The following RAPGEF5 variants were observed in gnomAD, a reference collection of about 807,000 sequenced individuals.
RAPGEF5 encodes the protein M-Ras-regulated GEF.
RAPGEF5 carries 65 observed loss-of-function variants against 125.2 expected under a neutral mutation model. The ratio of observed to expected loss-of-function variants is 0.52; its 90% CI spans 0.43 to 0.64. The LOEUF (loss-of-function observed/expected upper bound fraction) is 0.64. Ranked by LOEUF, RAPGEF5 falls within the 30% of genes least tolerant of loss-of-function variation. The probability of loss-of-function intolerance (pLI) is 0.00; values close to 1 mark genes in which losing one functional copy is unlikely to be tolerated. For synonymous variants in RAPGEF5, 391 were observed against 385.9 expected (o/e 1.01, Z -0.16); for missense variants, 958 against 1,048.1 (o/e 0.91, Z 1.19).
chr7:22,163,350 G>A (rs1459469098), intron 12 of RAPGEF5, among the ~76,000 whole-genome samples: 2 of 152,240 alleles, frequency 1.3e-5, no homozygotes, highest in East Asian at 1.9e-4. Flanking sequence ...TCAGCAGCCA[G>A]AAAAATGATG....
Position 22,146,788 on chromosome 7 carries a change from T to G in RAPGEF5, c.2007+109A>C, listed in dbSNP as rs949769678. On this transcript the variant is annotated intron_variant, in intron 19 of 25. Transcript: ENST00000665637. ...ATATTTCAAGTCCCCAAATATCTTT[T>G]GGACCACGTTATTCTAGCATAATTT... 11 of 1,314,868 alleles carry G rather than the reference T, an allele frequency of 8.4e-6. No individual in the cohort carries two copies. In the East Asian group the frequency reaches 2.0e-4, roughly 24 times the overall value. The allele number at this position is 1,314,868 out of a possible 1,614,324, so 81.5% of individuals were successfully genotyped here. A position where few individuals can be genotyped will look rare whatever the true frequency, so the allele number is the denominator to read the frequency against.
chr7:22,207,162 G>A (rs1785416794), intron 9 of RAPGEF5, among the ~76,000 whole-genome samples: 2 of 152,194 alleles, frequency 1.3e-5, no homozygotes, highest in Admixed American at 6.5e-5. Context: ...GAAGGTGAAA[G>A]CTAGGATGAA....
At chr7:22,284,775 T>C (rs1782757919) in intron 6 of RAPGEF5, among the ~76,000 whole-genome samples, 1 of 152,204 alleles carries the variant, frequency 6.6e-6, no homozygotes, top group African/African-American at 2.4e-5. Flanking sequence ...ACTCCATTTC[T>C]GCATTCTCCA....
chr7:22,316,071 AT>A (rs1375332814), intron 2 of RAPGEF5, among the ~76,000 whole-genome samples: 1 of 152,072 alleles, frequency 6.6e-6, no homozygotes, highest in Non-Finnish European at 1.5e-5. Flanking sequence ...CATTTAACTT[AT>A]TTTTTTAAAT....
chr7:22,173,819 G>A (rs1044721054), intron 11 of RAPGEF5, among the ~76,000 whole-genome samples: 4 of 139,260 alleles, frequency 2.9e-5, no homozygotes, highest in South Asian at 2.5e-4. Context: ...GACTAAGAGC[G>A]GTGAGCGGCC....
chr7:22,316,340 G>A (rs1783588489), intron 2 of RAPGEF5, among the ~76,000 whole-genome samples: 1 of 112,924 alleles, frequency 8.9e-6, no homozygotes, highest in Non-Finnish European at 1.7e-5. Flanking sequence ...AATTTTTTAT[G>A]TATCTACTAT....
intron 8 of RAPGEF5, among the ~76,000 whole-genome samples, chr7:22,226,666 A>G (rs923840979): frequency 6.6e-6 from 1 of 152,148 alleles, no homozygotes; most frequent in African/African-American, 2.4e-5. Flanking sequence ...AGGAATCCCT[A>G]GGGAGTCACT....
intron 5 of RAPGEF5, among the ~76,000 whole-genome samples, chr7:22,293,969 T>C (rs1782992770): frequency 6.6e-6 from 1 of 152,214 alleles, no homozygotes; most frequent in Non-Finnish European, 1.5e-5. Flanking sequence ...TTTTAATGTG[T>C]GTAAATACTT....
At chr7:22,134,515 T>G (rs1392514804) in intron 23 of RAPGEF5, among the ~76,000 whole-genome samples, 11 of 152,160 alleles carry the variant, frequency 7.2e-5, no homozygotes, top group Non-Finnish European at 1.3e-4. Context: ...CATTAAATAT[T>G]TTGGGGGGGA....
chr7:22,242,030 T>A (rs1786344205), intron 7 of RAPGEF5, among the ~76,000 whole-genome samples: 1 of 152,006 alleles, frequency 6.6e-6, no homozygotes, highest in South Asian at 2.1e-4. Context: ...TTCAAGGCTG[T>A]CCCCATATTG....
At chr7:22,356,806 C>G (rs531315826) in intron 1 of RAPGEF5, 24 bp downstream of exon 1, 4 of 1,150,944 alleles carry the variant, frequency 3.5e-6, no homozygotes, top group East Asian at 7.8e-5. Context: ...CCCGTGCCCA[C>G]TCGGACAGGG....
At position 22,300,343 on chromosome 7, in the gene RAPGEF5, T is replaced by C. The variant is rs532518395; in HGVS notation, c.680+7996A>G. Among the ~76,000 whole-genome samples, 21 of 152,366 alleles carry C rather than the reference T, an allele frequency of 1.4e-4. No homozygotes were observed. In the East Asian group the frequency reaches 4.0e-3, roughly 29 times the overall value. ...TTTCTTGACTAACAACTTCTATCCC[T>C]CTATTCATTTGAAACTTGTTTACCT... On this transcript the variant is annotated intron_variant, in intron 5 of 25. Transcript: ENST00000665637.
chr7:22,277,586 T>C (rs1040134001), intron 6 of RAPGEF5, among the ~76,000 whole-genome samples: 2 of 152,186 alleles, frequency 1.3e-5, no homozygotes, highest in Non-Finnish European at 2.9e-5. Context: ...GGGAGCATGT[T>C]CTTCCATGCT....
intron 6 of RAPGEF5, among the ~76,000 whole-genome samples, chr7:22,276,349 T>C (rs747908334): frequency 1.8e-4 from 27 of 152,176 alleles, no homozygotes; most frequent in Non-Finnish European, 2.6e-4. Flanking sequence ...ACTCATGTCT[T>C]ACTACGTCTT....
chr7:22,134,024 T>G (rs879733665), intron 23 of RAPGEF5, among the ~76,000 whole-genome samples: 1 of 152,146 alleles, frequency 6.6e-6, no homozygotes, highest in Non-Finnish European at 1.5e-5. Context: ...AATTAAAAGC[T>G]ACTCAAAGTG....
intron 1 of RAPGEF5, among the ~76,000 whole-genome samples, chr7:22,339,164 A>T (rs1309604958): frequency 2.0e-5 from 3 of 152,202 alleles, no homozygotes; most frequent in African/African-American, 7.2e-5. Flanking sequence ...CTGTGCATGC[A>T]GCCCCTCCCA....
intron 6 of RAPGEF5, among the ~76,000 whole-genome samples, chr7:22,290,466 C>T (rs1782903420): frequency 6.6e-6 from 1 of 152,198 alleles, no homozygotes; most frequent in Admixed American, 6.5e-5. Context: ...CAATGAAAGG[C>T]CGGGCGCGGT....
chr7:22,134,275 T>C (rs1160205211), intron 23 of RAPGEF5, among the ~76,000 whole-genome samples: 1 of 152,232 alleles, frequency 6.6e-6, no homozygotes, highest in Non-Finnish European at 1.5e-5. Context: ...ACTAATACTA[T>C]ATGATTTTAT....
At chr7:22,284,883 A>G (rs746896027) in intron 6 of RAPGEF5, among the ~76,000 whole-genome samples, 13 of 152,316 alleles carry the variant, frequency 8.5e-5, no homozygotes, top group Middle Eastern at 3.4e-3. Context: ...GAAATTCATC[A>G]CTCAATTGTG....
Sources: allele counts gnomAD v4.1 joint callset (sites outside exome capture counted in the v4.1 genomes callset), GRCh38; gene constraint gnomAD v4.1.1; transcripts MANE v1.5; gene names NCBI Gene and HGNC (gene_info 2026-07-23, HGNC 2026-07-21).